The following HBD variants were observed in gnomAD, a reference collection of about 807,000 sequenced individuals.
HBD encodes delta globin.
HBD carries 11 observed loss-of-function variants against 9.2 expected under a neutral mutation model. That is an observed-to-expected ratio of 1.20 (90% CI 0.76 to 1.99). The LOEUF is 1.99. HBD is among the 30% of genes most tolerant of loss of function. The probability of loss-of-function intolerance (pLI) is 0.00; values close to 1 mark genes in which losing one functional copy is unlikely to be tolerated. For synonymous variants in HBD, 83 were observed against 69.4 expected (o/e 1.20, Z -0.98); for missense variants, 189 against 174.3 (o/e 1.08, Z -0.47).
chr11:5,233,261 T>C (rs1464790757), intron 2 of HBD, among the ~76,000 whole-genome samples, 169 bp from the exon 3 acceptor site: 1 of 151,880 alleles, frequency 6.6e-6, no homozygotes, highest in Non-Finnish European at 1.5e-5. Flanking sequence ...TGCATACATA[T>C]AACATATATC....
rs1400806007 is a variant in HBD at position 5,234,031 on chromosome 11, A to G, written c.275T>C (p.Leu92Pro). Residue 92 changes from leucine to proline, a missense_variant, in exon 2 of 3, where the codon CTG becomes CCG. Leu to Pro is a moderately conservative substitution (Grantham distance 98). Transcript: ENST00000650601. ...ATCCACGTGCAGCTTGTCACAGTGC[A>G]GCTCACTCAGCTGAGAAAAAGTGCC... ...LKGTFSQLSE[L>P]HCDKLHVDPE... is the part of the protein sequence containing the mutation. 1.9e-6 allele frequency: 3 copies of G among 1,613,994 alleles called. No individual in the cohort carries two copies. The African/African-American group carries it at 4.0e-5, about 22-fold the overall frequency.
rs200910779 is a variant in HBD, at chr11:5,233,098, G to C, written c.316-6C>G. ...ACCAGCACATTGCCCAAGAGCTGCGGAGAAGAGGTAGGCAGATACATGCAT... is the reference window on the plus strand; with the variant it reads ...ACCAGCACATTGCCCAAGAGCTGCGCAGAAGAGGTAGGCAGATACATGCAT... On this transcript the variant is annotated splice_region_variant and splice_polypyrimidine_tract_variant and intron_variant, in intron 2 of 2. Coordinates refer to ENST00000650601, the MANE Select transcript of HBD (RefSeq NM_000519.4). 3.7e-6 allele frequency: 6 copies of C among 1,613,926 alleles called. No individual in the cohort carries two copies. The African/African-American group carries it at 8.0e-5, about 22-fold the overall frequency.
At chr11:5,233,735 G>C (rs186272175) in intron 2 of HBD, among the ~76,000 whole-genome samples, 195 of 152,044 alleles carry the variant, frequency 1.3e-3, no homozygotes, top group Non-Finnish European at 8.2e-4. Context: ...CATAATTTGA[G>C]TTGTTGTTAG....
Position 5,234,005 on chromosome 11 carries a change from G to C in HBD, c.301C>G (p.Pro101Ala). 8 of 1,613,958 alleles carry C rather than the reference G, an allele frequency of 5.0e-6. No homozygotes were observed. The highest frequency in any genetic ancestry group is 6.8e-6 in the Non-Finnish European group (8 of 1,179,904). ...ELHCDKLHVDPENFRLLGNVL... is the reference protein window; with the variant it reads ...ELHCDKLHVDAENFRLLGNVL... ...CCTGGACTCACCCTGAAGTTCTCAGGATCCACGTGCAGCTTGTCACAGTGC... is the reference window on the plus strand; with the variant it reads ...CCTGGACTCACCCTGAAGTTCTCAGCATCCACGTGCAGCTTGTCACAGTGC... The change falls in exon 2 of 3, where the codon CCT (proline) becomes GCT (alanine). Residue 101 changes from proline (P) to alanine (A), a missense_variant. By Grantham distance (27) the Pro-to-Ala change is conservative (BLOSUM62 -1). Coordinates refer to ENST00000650601, the MANE Select transcript of HBD (RefSeq NM_000519.4).
At chr11:5,234,254 C>A in intron 1 of HBD, 41 bp from the exon 2 acceptor site, 1 of 1,599,254 alleles carries the variant, frequency 6.3e-7, no homozygotes. Flanking sequence ...AGAGTCAGTG[C>A]CTATCAGAAA....
rs1847709800 is a variant in HBD, at chr11:5,234,219, G to A, written c.93-6C>T. ...AAGGGTAGACCACCAGTAATCTGAG[G>A]GTAGGAAAACAGCCCAAGGGACAGA... On this transcript the variant is annotated splice_polypyrimidine_tract_variant and splice_region_variant and intron_variant, in intron 1 of 2. Transcript: ENST00000650601. 6.2e-7 allele frequency: 1 copy of A among 1,613,258 alleles called. No individual in the cohort carries two copies. The highest frequency in any genetic ancestry group is 1.7e-5 in the Admixed American group (1 of 60,004).
In HBD at chr11:5,232,875, C is replaced by T; in HGVS notation, c.*89G>A. On this transcript the variant is annotated 3_prime_UTR_variant, in exon 3 of 3. Transcript: ENST00000650601. ...TTCTTTATTAGGCAGAAGCCATACC[C>T]TTGAAGTAGGCATTGTGTTCCCAAG... 2 of 1,612,642 alleles carry T rather than the reference C, an allele frequency of 1.2e-6. No individual in the cohort carries two copies. Among genetic ancestry groups the T allele is most frequent in the Non-Finnish European group, 1.7e-6 (2 of 1,178,710 alleles).
rs1847688230 is a variant in HBD at position 5,232,928 on chromosome 11, G to A, written c.*36C>T. ...CAGAAAATAGAATCTAGGGAAATAG[G>A]GTCTTCTTATGGTTATCAGGAAACA... On this transcript the variant is annotated 3_prime_UTR_variant, in exon 3 of 3. Coordinates refer to ENST00000650601, the MANE Select transcript of HBD (RefSeq NM_000519.4). The A allele has an allele frequency of 6.2e-7, 1 of 1,613,614 alleles. No homozygotes were observed. The highest frequency in any genetic ancestry group is 1.1e-5 in the South Asian group (1 of 91,078).
chr11:5,234,293 C>T, intron 1 of HBD, 49 bp downstream of exon 1: 1 of 1,598,336 alleles, frequency 6.3e-7, no homozygotes, highest in Non-Finnish European at 8.6e-7. Context: ...CTACACATGC[C>T]CAGTTTCCAT....
At position 5,233,076 on chromosome 11, in the gene HBD, A is replaced by G. The variant is rs759832815; in HGVS notation, c.332T>C (p.Leu111Pro). 2 of 1,614,064 alleles carry G rather than the reference A, an allele frequency of 1.2e-6. No individual in the cohort carries two copies. The highest frequency in any genetic ancestry group is 1.3e-5 in the African/African-American group (1 of 75,036). The change falls in exon 3 of 3, where the codon CTG becomes CCG. Residue 111 changes from leucine to proline, a missense_variant. Leu to Pro is a moderately conservative substitution (Grantham distance 98, BLOSUM62 -3). Coordinates refer to ENST00000650601, the MANE Select transcript of HBD (RefSeq NM_000519.4). ...AAAGTTGCGGGCCAGCACACACACC[A>G]GCACATTGCCCAAGAGCTGCGGAGA... is the stretch of plus-strand genomic sequence containing the variant. ...PENFRLLGNVLVCVLARNFGK... is the reference protein window; with the variant it reads ...PENFRLLGNVPVCVLARNFGK...
intron 2 of HBD, 130 bp from the exon 3 acceptor site, chr11:5,233,222 C>G: frequency 1.2e-6 from 1 of 844,922 alleles, no homozygotes; most frequent in Non-Finnish European, 2.0e-6. Flanking sequence ...CAGGTTATTC[C>G]CATCAGCATA....
At position 5,234,385 on chromosome 11, in the gene HBD, C is replaced by G. The variant is rs34012192; in HGVS notation, c.49G>C (p.Gly17Arg). 850 of 1,614,036 alleles carry G rather than the reference C, an allele frequency of 5.3e-4. 6 individuals are homozygous for G. In the African/African-American group the frequency reaches 0.01, roughly 19 times the overall value. ...EEKTAVNALW[G>R]KVNVDAVGGE... The stretch of plus-strand genomic sequence containing the variant: ...CCAACTGCATCCACGTTCACTTTGC[C>G]CCACAGGGCATTGACAGCAGTCTTC... Residue 17 changes from glycine (G) to arginine (R), a missense_variant, in exon 1 of 3, where the codon GGC becomes CGC. Gly to Arg is a moderately radical substitution (Grantham distance 125). Coordinates refer to ENST00000650601, the MANE Select transcript of HBD (RefSeq NM_000519.4).
chr11:5,233,608 T>C (rs1847697521), intron 2 of HBD, among the ~76,000 whole-genome samples: 1 of 152,154 alleles, frequency 6.6e-6, no homozygotes, highest in Non-Finnish European at 1.5e-5. Flanking sequence ...AAATGATTTA[T>C]AGCCTCTAAA....
At position 5,233,238 on chromosome 11, in the gene HBD, G is replaced by C; in HGVS notation, c.316-146C>G. 4.0e-6 allele frequency: 3 copies of C among 751,668 alleles called. No individual in the cohort carries two copies. The South Asian group carries it at 4.5e-5, about 11-fold the overall frequency. The allele number at this position is 751,668 out of a possible 1,614,324, so 46.6% of individuals were successfully genotyped here. A position where few individuals can be genotyped will look rare whatever the true frequency, so the allele number is the denominator to read the frequency against. ...AGGTTATTCCCATCAGCATAAATAA[G>C]TACATATATGAATGCATACATATAA... On this transcript the variant is annotated intron_variant, in intron 2 of 2. Coordinates refer to ENST00000650601, the MANE Select transcript of HBD (RefSeq NM_000519.4).
intron 2 of HBD, among the ~76,000 whole-genome samples, 189 bp downstream of exon 2, chr11:5,233,801 TA>T (rs1326528617): frequency 6.6e-6 from 1 of 151,886 alleles, no homozygotes; most frequent in East Asian, 1.9e-4. Context: ...TTAAATAATT[TA>T]AAATAGCAAG....
At chr11:5,233,255 TACATATA>T (rs1847693392) in intron 2 of HBD, among the ~76,000 whole-genome samples, 163 bp from the exon 3 acceptor site, 1 of 152,008 alleles carries the variant, frequency 6.6e-6, no homozygotes, top group South Asian at 2.1e-4. Context: ...TATGAATGCA[TACATATA>T]ACATATATCT....
In HBD at chr11:5,234,095, C is replaced by T; in HGVS notation, c.211G>A (p.Ala71Thr). The change falls in exon 2 of 3, where the codon GCC (alanine) becomes ACC (threonine). Residue 71 changes from alanine (A) to threonine (T), a missense_variant. Transcript: ENST00000650601. The stretch of plus-strand genomic sequence containing the variant: ...AGGTGAGCCAGGCCATCACTAAAGG[C>T]ACCTAGCACCTTCTTGCCATGAGCC... ...VKAHGKKVLG[A>T]FSDGLAHLDN... The T allele has an allele frequency of 6.2e-7, 1 of 1,614,106 alleles. No individual in the cohort carries two copies. Among genetic ancestry groups the T allele is most frequent in the Non-Finnish European group, 8.5e-7 (1 of 1,179,990 alleles).
chr11:5,233,111 C>T lies in HBD; in HGVS notation c.316-19G>A, dbSNP rs1243959465. The T allele has an allele frequency of 1.2e-6, 2 of 1,613,578 alleles. No individual in the cohort carries two copies. Among genetic ancestry groups the T allele is most frequent in the South Asian group, 1.1e-5 (1 of 91,084 alleles). ...CCAAGAGCTGCGGAGAAGAGGTAGG[C>T]AGATACATGCATATGGTTAACAGAG... On this transcript the variant is annotated intron_variant, in intron 2 of 2. Transcript: ENST00000650601.
Position 5,234,011 on chromosome 11 carries a change from C to G in HBD, c.295G>C (p.Val99Leu). The change falls in exon 2 of 3, where the codon GTG becomes CTG. Residue 99 changes from valine to leucine, a missense_variant. Physicochemically the swap from Val to Leu is conservative, Grantham distance 32. Coordinates refer to ENST00000650601, the MANE Select transcript of HBD (RefSeq NM_000519.4). Reference sequence around the variant, plus strand: ...CTCACCCTGAAGTTCTCAGGATCCACGTGCAGCTTGTCACAGTGCAGCTCA... The same window carrying G: ...CTCACCCTGAAGTTCTCAGGATCCAGGTGCAGCTTGTCACAGTGCAGCTCA... ...LSELHCDKLH[V>L]DPENFRLLGN... is the part of the protein sequence containing the mutation. 2 of 1,614,074 alleles carry G rather than the reference C, an allele frequency of 1.2e-6. No homozygotes were observed. The highest frequency in any genetic ancestry group is 1.7e-6 in the Non-Finnish European group (2 of 1,179,980).
Sources: allele counts gnomAD v4.1 joint callset (sites outside exome capture counted in the v4.1 genomes callset), GRCh38; gene constraint gnomAD v4.1.1; transcripts MANE v1.5; gene names NCBI Gene and HGNC (gene_info 2026-07-23, HGNC 2026-07-21).